LINGO2: variants seen among roughly 807,000 people sequenced by gnomAD.
LINGO2 encodes leucine rich repeat and Ig domain containing 2.
Under a neutral mutation model 30.6 loss-of-function variants are expected in LINGO2, and 14 were observed. That is an observed-to-expected ratio of 0.46 (90% CI 0.30 to 0.72). LINGO2 has a LOEUF of 0.72. Among genes scored for constraint, LINGO2 ranks in the 30% least tolerant of loss-of-function variants. The pLI is 0.07. For missense variants in LINGO2, 729 were observed against 751.7 expected, an observed-to-expected ratio of 0.97 and a Z score of 0.35; for synonymous variants, 317 against 288.5, an observed-to-expected ratio of 1.10 and a Z score of -1.00.
chr9:28,775,907 T>C, the LINGO2 span, among the ~76,000 whole-genome samples: 8 of 152,202 alleles, frequency 5.3e-5, no homozygotes, highest in South Asian at 2.1e-4. Flanking sequence ...ATGAAAAAAA[T>C]TGTAACATCA....
intron 5 of LINGO2, among the ~76,000 whole-genome samples, chr9:28,003,342 T>TATATATATATAG (rs763522694): frequency 2.1e-5 from 3 of 141,642 alleles, no homozygotes; most frequent in Non-Finnish European, 4.5e-5. Flanking sequence ...TATATAGATA[T>TATATATATATAG]ATAGATAGAT....
Position 28,476,806 on chromosome 9 carries a change from G to A in LINGO2, c.-364-781C>T, listed in dbSNP as rs1378909664. Among the ~76,000 whole-genome samples, 6 of 152,232 alleles carry A rather than the reference G, an allele frequency of 3.9e-5. No homozygotes were observed. In the East Asian group the frequency reaches 5.8e-4, roughly 15 times the overall value. On this transcript the variant is annotated intron_variant, in intron 1 of 5. Coordinates refer to ENST00000379992, the Ensembl canonical transcript of LINGO2. Reference sequence around the variant, plus strand: ...TGCAAGTCTAAGATTATTCTTTGTCGTTTATGTATTTAATATAATGGACAA... The same window carrying A: ...TGCAAGTCTAAGATTATTCTTTGTCATTTATGTATTTAATATAATGGACAA...
chr9:28,036,453 G>A (rs1210262451), intron 4 of LINGO2, among the ~76,000 whole-genome samples: 1 of 151,778 alleles, frequency 6.6e-6, no homozygotes, highest in Non-Finnish European at 1.5e-5. Context: ...GGAAAACCAG[G>A]AAGATTTAAG....
the LINGO2 span, among the ~76,000 whole-genome samples, chr9:29,201,320 A>C: frequency 6.6e-6 from 1 of 152,108 alleles, no homozygotes; most frequent in African/African-American, 2.4e-5. Flanking sequence ...ACAAATTTTC[A>C]TAACAGCCTT....
At chr9:28,684,731 C>T in the LINGO2 span, among the ~76,000 whole-genome samples, 1 of 151,532 alleles carries the variant, frequency 6.6e-6, no homozygotes, top group Non-Finnish European at 1.5e-5. Context: ...CTTGGCCAGG[C>T]TGGTCTTTAA....
chr9:29,019,939 T>G, the LINGO2 span, among the ~76,000 whole-genome samples: 9 of 152,284 alleles, frequency 5.9e-5, no homozygotes, highest in South Asian at 6.2e-4. Flanking sequence ...GTGGATTTGC[T>G]GGGATGATAA....
At chr9:28,643,174 A>G (rs1245048485) in intron 1 of LINGO2, among the ~76,000 whole-genome samples, 1 of 152,128 alleles carries the variant, frequency 6.6e-6, no homozygotes, top group Non-Finnish European at 1.5e-5. Context: ...CTTCAAAGAA[A>G]GAGAAAAAAA....
At position 28,008,087 on chromosome 9, in the gene LINGO2, A is replaced by G. The variant is rs114790591; in HGVS notation, c.-36+4268T>C. On this transcript the variant is annotated intron_variant, in intron 5 of 5. Coordinates refer to ENST00000379992, the Ensembl canonical transcript of LINGO2. ...GTCCTAATGGAGGCTCCCGTCTTACATCGTTTGTCATCAGAATCTCCTTCA... is the reference window on the plus strand; with the variant it reads ...GTCCTAATGGAGGCTCCCGTCTTACGTCGTTTGTCATCAGAATCTCCTTCA... 8.7e-3 allele frequency among the ~76,000 whole-genome samples: 1,330 copies of G among 152,266 alleles called. 22 individuals carry two copies. Among genetic ancestry groups the G allele is most frequent in the African/African-American group, 0.031 (1,274 of 41,560 alleles).
intron 1 of LINGO2, among the ~76,000 whole-genome samples, chr9:28,502,837 G>A (rs1192370136): frequency 4.0e-5 from 6 of 151,854 alleles, no homozygotes; most frequent in African/African-American, 9.7e-5. Context: ...ATGTACTTTC[G>A]GGAGAGTAGC....
At chr9:28,281,971 T>C (rs375933681) in intron 4 of LINGO2, among the ~76,000 whole-genome samples, 1 of 152,098 alleles carries the variant, frequency 6.6e-6, no homozygotes, top group African/African-American at 2.4e-5. Context: ...CTGCTATTGA[T>C]CTTTATAACA....
Position 28,651,684 on chromosome 9 carries a change from C to A in LINGO2, c.-365+18516G>T, listed in dbSNP as rs561777462. Among the ~76,000 whole-genome samples, 10 of 151,922 alleles carry A rather than the reference C, an allele frequency of 6.6e-5. No individual in the cohort carries two copies. The South Asian group carries it at 2.1e-3, about 32-fold the overall frequency. On this transcript the variant is annotated intron_variant, in intron 1 of 5. Transcript: ENST00000379992. ...GTAAAACTTGTTATTTAAAAAAAAACAACAGCCTTTAGCATCATTTTTCTA... is the reference window on the plus strand; with the variant it reads ...GTAAAACTTGTTATTTAAAAAAAAAAAACAGCCTTTAGCATCATTTTTCTA...
chr9:28,177,060 T>C (rs570915359), intron 4 of LINGO2, among the ~76,000 whole-genome samples: 1 of 152,280 alleles, frequency 6.6e-6, no homozygotes, highest in Non-Finnish European at 1.5e-5. Flanking sequence ...CCTGAAAATT[T>C]AGGGAGTGTA....
At chr9:28,717,482 T>A in the LINGO2 span, among the ~76,000 whole-genome samples, 2 of 151,648 alleles carry the variant, frequency 1.3e-5, no homozygotes, top group Admixed American at 6.6e-5. Context: ...ACAATAAACA[T>A]GAGATTTTGG....
chr9:28,288,983 T>C (rs1431344403), intron 4 of LINGO2, among the ~76,000 whole-genome samples: 1 of 152,202 alleles, frequency 6.6e-6, no homozygotes, highest in South Asian at 2.1e-4. Flanking sequence ...TGCTTCTATG[T>C]ATGAGCCTAT....
intron 4 of LINGO2, among the ~76,000 whole-genome samples, chr9:28,127,417 C>T (rs1346453662): frequency 6.6e-6 from 1 of 152,200 alleles, no homozygotes; most frequent in Non-Finnish European, 1.5e-5. Context: ...CTGCATGAAG[C>T]AGAGATGAGC....
chr9:29,084,810 C>T, the LINGO2 span, among the ~76,000 whole-genome samples: 2 of 151,872 alleles, frequency 1.3e-5, no homozygotes, highest in African/African-American at 2.4e-5. Flanking sequence ...TATTAATGTC[C>T]AATTTTCCTA....
intron 3 of LINGO2, among the ~76,000 whole-genome samples, chr9:28,303,332 CCTT>C (rs1223221412): frequency 2.6e-5 from 4 of 152,134 alleles, no homozygotes; most frequent in African/African-American, 9.7e-5. Context: ...GAAGGAAAGA[CCTT>C]CTTTCTACTG....
rs557879246 is a variant in LINGO2, at chr9:28,337,981, A to C, written c.-246+34855T>G. ...CTGCCTGGTGGAGCTATGAGAAGAC[A>C]GCCACTATCGTCCAGACCCCAGAAT... On this transcript the variant is annotated intron_variant, in intron 3 of 5. Transcript: ENST00000379992. Among the ~76,000 whole-genome samples the C allele has an allele frequency of 6.7e-4, 102 of 152,268 alleles. No individual in the cohort carries two copies. In the South Asian group the frequency reaches 0.02, roughly 30 times the overall value.
the LINGO2 span, among the ~76,000 whole-genome samples, chr9:28,970,600 A>T: frequency 6.6e-6 from 1 of 152,104 alleles, no homozygotes; most frequent in Admixed American, 6.5e-5. Flanking sequence ...GTTATGAGGC[A>T]TTGAACTCTG....
Sources: gnomAD v4.1 joint callset for allele counts (sites outside exome capture counted in the v4.1 genomes callset) on GRCh38, gnomAD v4.1.1 for gene constraint, MANE v1.5 for transcripts, NCBI Gene and HGNC (gene_info 2026-07-23, HGNC 2026-07-21) for gene names.